CADPS2: variants seen among roughly 807,000 people sequenced by gnomAD.
CADPS2 encodes calcium dependent secretion activator 2.
In CADPS2, 93 loss-of-function variants were observed where a neutral mutation model predicts 172.5. That is an observed-to-expected ratio of 0.54 (90% CI 0.46 to 0.64). The LOEUF is 0.64. CADPS2 is among the 30% of genes least tolerant of loss of function. The probability of loss-of-function intolerance (pLI) is 0.00; values close to 1 mark genes in which losing one functional copy is unlikely to be tolerated. For synonymous variants in CADPS2, 546 were observed against 555.2 expected (o/e 0.98, Z 0.23); for missense variants, 1,420 against 1,565.9 (o/e 0.91, Z 1.57).
At chr7:122,662,735 T>C (rs1489603568) in intron 3 of CADPS2, among the ~76,000 whole-genome samples, 1 of 152,218 alleles carries the variant, frequency 6.6e-6, no homozygotes, top group Non-Finnish European at 1.5e-5. Context: ...ATATTCACTC[T>C]GTCATCTCTT....
chr7:122,727,740 C>G (rs192956387), intron 2 of CADPS2, among the ~76,000 whole-genome samples: 1 of 151,888 alleles, frequency 6.6e-6, no homozygotes, highest in Non-Finnish European at 1.5e-5. Flanking sequence ...CACTCACAGG[C>G]AGCAGAAACC....
intron 3 of CADPS2, among the ~76,000 whole-genome samples, chr7:122,654,486 G>A (rs914863522): frequency 4.6e-5 from 7 of 152,142 alleles, no homozygotes; most frequent in Non-Finnish European, 1.0e-4. Context: ...GAAAACATGA[G>A]GGATTTGAAG....
At chr7:122,798,000 G>GT (rs200067009) in intron 1 of CADPS2, among the ~76,000 whole-genome samples, 51 of 146,360 alleles carry the variant, frequency 3.5e-4, no homozygotes, top group East Asian at 1.0e-3. Context: ...TTTTGTGCAG[G>GT]TTTTTTTTTT....
intron 1 of CADPS2, among the ~76,000 whole-genome samples, chr7:122,748,510 T>C (rs1199929319): frequency 6.6e-6 from 1 of 152,174 alleles, no homozygotes; most frequent in Admixed American, 6.6e-5. Context: ...AGCTTAAAGA[T>C]GCTGACCAAC....
At chr7:122,870,475 G>T (rs1189258708) in intron 1 of CADPS2, among the ~76,000 whole-genome samples, 1 of 151,966 alleles carries the variant, frequency 6.6e-6, no homozygotes, top group Non-Finnish European at 1.5e-5. Context: ...GGGAGTGGGA[G>T]GGATGGAGAA....
intron 8 of CADPS2, among the ~76,000 whole-genome samples, chr7:122,551,841 T>G (rs997583444): frequency 6.6e-6 from 1 of 152,194 alleles, no homozygotes; most frequent in Non-Finnish European, 1.5e-5. Context: ...CTATTCCTGT[T>G]ATGTTATTGC....
intron 1 of CADPS2, among the ~76,000 whole-genome samples, chr7:122,765,492 T>TA (rs2093518848): frequency 2.0e-5 from 3 of 152,118 alleles, no homozygotes; most frequent in Admixed American, 6.6e-5. Flanking sequence ...AGTGCCTATC[T>TA]AAAGGACTAT....
At chr7:122,872,593 A>G (rs1011093764) in intron 1 of CADPS2, among the ~76,000 whole-genome samples, 1 of 151,962 alleles carries the variant, frequency 6.6e-6, no homozygotes, top group Non-Finnish European at 1.5e-5. Flanking sequence ...TATATTTCAG[A>G]ATTTTTTCTT....
At chr7:122,810,347 G>T (rs1584519108) in intron 1 of CADPS2, among the ~76,000 whole-genome samples, 1 of 152,230 alleles carries the variant, frequency 6.6e-6, no homozygotes, top group East Asian at 1.9e-4. Context: ...CACAGAATTT[G>T]TCATGGTCTC....
At chr7:122,773,230 G>C (rs987136422) in intron 1 of CADPS2, among the ~76,000 whole-genome samples, 9 of 151,902 alleles carry the variant, frequency 5.9e-5, no homozygotes, top group African/African-American at 2.2e-4. Flanking sequence ...ATGGAAACGT[G>C]GTGAACATGT....
chr7:122,815,928 G>A (rs1385541715), intron 1 of CADPS2, among the ~76,000 whole-genome samples: 1 of 152,156 alleles, frequency 6.6e-6, no homozygotes, highest in African/African-American at 2.4e-5. Flanking sequence ...AGGAGTACAT[G>A]TGAAATTTTG....
intron 1 of CADPS2, among the ~76,000 whole-genome samples, chr7:122,788,072 G>A (rs1045206242): frequency 2.6e-5 from 4 of 152,158 alleles, no homozygotes; most frequent in Non-Finnish European, 5.9e-5. Flanking sequence ...CTCAGACAAA[G>A]AATGTAAAAA....
intron 24 of CADPS2, among the ~76,000 whole-genome samples, chr7:122,383,640 C>A (rs2151396990): frequency 6.6e-6 from 1 of 152,138 alleles, no homozygotes; most frequent in South Asian, 2.1e-4. Flanking sequence ...ATCCTTACTT[C>A]ATGAAGCCCA....
chr7:122,661,523 A>T (rs560269209), intron 3 of CADPS2, among the ~76,000 whole-genome samples: 1 of 152,274 alleles, frequency 6.6e-6, no homozygotes, highest in African/African-American at 2.4e-5. Flanking sequence ...TTTGTGTTTT[A>T]AAATCAATAA....
intron 1 of CADPS2, among the ~76,000 whole-genome samples, chr7:122,775,356 A>G (rs2093845317): frequency 6.6e-6 from 1 of 152,266 alleles, no homozygotes; most frequent in South Asian, 2.1e-4. Flanking sequence ...AGGCAGCAAT[A>G]GCTTCATGTT....
At chr7:122,336,414 T>TA (rs1197224532) in intron 28 of CADPS2, among the ~76,000 whole-genome samples, 6 of 152,230 alleles carry the variant, frequency 3.9e-5, no homozygotes, top group African/African-American at 1.4e-4. Flanking sequence ...GATCAACTGA[T>TA]AGAAATGCTG....
intron 6 of CADPS2, among the ~76,000 whole-genome samples, chr7:122,609,210 A>G (rs1403251639): frequency 6.6e-6 from 1 of 152,152 alleles, no homozygotes; most frequent in African/African-American, 2.4e-5. Flanking sequence ...GGAATAAAAG[A>G]CTAGTACATA....
chr7:122,416,907 A>G (rs776656073), intron 17 of CADPS2, among the ~76,000 whole-genome samples: 1 of 152,240 alleles, frequency 6.6e-6, no homozygotes, highest in Non-Finnish European at 1.5e-5. Flanking sequence ...GCAGAAATTA[A>G]AGAAGCCCTG....
At position 122,561,332 on chromosome 7, in the gene CADPS2, C is replaced by G. The variant is rs79056628; in HGVS notation, c.1336-6643G>C. On this transcript the variant is annotated intron_variant, in intron 7 of 29. Coordinates refer to ENST00000449022, the MANE Select transcript of CADPS2 (RefSeq NM_017954.11). ...CACCACATCTCCTTCCTTCTATACA[C>G]TTTTTTTTTTAAACAAGAAAGGCCT... 1.9e-3 allele frequency among the ~76,000 whole-genome samples: 8 copies of G among 4,176 alleles called. No individual in the cohort carries two copies. In the Admixed American group the frequency reaches 0.027, roughly 14 times the overall value. 2.7% of individuals were successfully genotyped at this position (4,176 alleles called of 152,430 possible). A position where few individuals can be genotyped will look rare whatever the true frequency, so the allele number is the denominator to read the frequency against.
Sources: gnomAD v4.1 joint callset for allele counts (sites outside exome capture counted in the v4.1 genomes callset) on GRCh38, gnomAD v4.1.1 for gene constraint, MANE v1.5 for transcripts, NCBI Gene and HGNC (gene_info 2026-07-23, HGNC 2026-07-21) for gene names.